The following PSIP1 variants were observed in gnomAD, a reference collection of about 807,000 sequenced individuals.
The protein encoded by PSIP1 is PC4 and SRSF1 interacting protein 1, also known as PC4 and SFRS1-interacting protein.
Under a neutral mutation model 74.7 loss-of-function variants are expected in PSIP1, and 19 were observed. The observed-to-expected ratio is 0.25, with a 90% CI of 0.18 to 0.37. The LOEUF (loss-of-function observed/expected upper bound fraction) is 0.37, where lower values mean the gene tolerates loss of function less well. Among genes scored for constraint, PSIP1 ranks in the 10% least tolerant of loss-of-function variants. PSIP1 has a pLI of 1.00. For synonymous variants in PSIP1, 222 were observed against 195.3 expected (o/e 1.14, Z -1.14); for missense variants, 601 against 614.3 (o/e 0.98, Z 0.23).
At chr9:15,475,967 G>C (rs1370067346) in intron 8 of PSIP1, among the ~76,000 whole-genome samples, 2 of 152,162 alleles carry the variant, frequency 1.3e-5, no homozygotes, top group South Asian at 4.1e-4. Context: ...TGAGGATTAT[G>C]AGTTGGTTTT....
intron 2 of PSIP1, 73 bp downstream of exon 2, chr9:15,510,044 A>G: frequency 2.1e-6 from 3 of 1,416,218 alleles, no homozygotes; most frequent in Admixed American, 1.9e-5. Flanking sequence ...GAAAAAATAA[A>G]GAGACACGGT....
chr9:15,471,379 A>G (rs1479074376), intron 10 of PSIP1: 5 of 1,539,906 alleles, frequency 3.2e-6, no homozygotes, highest in Non-Finnish European at 4.4e-6. Context: ...AATTTGAGAA[A>G]GTTACATTGG....
At position 15,510,936 on chromosome 9, in the gene PSIP1, C is replaced by G. The variant is rs897583392; in HGVS notation, c.-261G>C. ...CGTCTCAACGGCTCGGAATCGCAAC[C>G]GCGCCGCCGCTGCCGCCGCCGTAGC... On this transcript the variant is annotated 5_prime_UTR_variant, in exon 1 of 16. Coordinates refer to ENST00000380733, the MANE Select transcript of PSIP1 (RefSeq NM_033222.5). The G allele has an allele frequency of 6.5e-6, 1 of 153,226 alleles. No individual in the cohort carries two copies. The highest frequency in any genetic ancestry group is 2.4e-5 in the African/African-American group (1 of 41,418). The allele number at this position is 153,226 out of a possible 1,614,324, so 9.5% of individuals were successfully genotyped here. A position where few individuals can be genotyped will look rare whatever the true frequency, so the allele number is the denominator to read the frequency against.
chr9:15,503,495 AAAT>A (rs201995684), intron 3 of PSIP1, among the ~76,000 whole-genome samples: 1,525 of 152,004 alleles, frequency 0.01, 20 homozygotes, highest in African/African-American at 0.035. Flanking sequence ...CATCTCTAAA[AAAT>A]AATAATAATA....
At position 15,465,566 on chromosome 9, in the gene PSIP1, T is replaced by A. The variant is rs574687096; in HGVS notation, c.1547A>T (p.Glu516Val). 5.0e-6 allele frequency: 8 copies of A among 1,585,456 alleles called. No individual in the cohort carries two copies. The highest frequency in any genetic ancestry group is 6.9e-6 in the Non-Finnish European group (8 of 1,157,512). ...ASTKKKPSSE[E>V]RETEISLKDS... Reference sequence around the variant, plus strand: ...CTTCAGAGATATTTCAGTCTCTCTCTCTTCACTGGATGGCCTGAAGAAAAG... The same window carrying A: ...CTTCAGAGATATTTCAGTCTCTCTCACTTCACTGGATGGCCTGAAGAAAAG... Residue 516 changes from glutamate (E) to valine (V), a missense_variant, in exon 16 of 16, where the codon GAG (glutamate) becomes GTG (valine). Glu to Val is a moderately radical substitution (Grantham distance 121). Coordinates refer to ENST00000380733, the MANE Select transcript of PSIP1 (RefSeq NM_033222.5).
In PSIP1 at chr9:15,466,818, T is replaced by A. The variant is rs763047272; in HGVS notation, c.1462A>T (p.Asn488Tyr). Residue 488 changes from asparagine (N) to tyrosine (Y), a missense_variant, in exon 15 of 16, where the codon AAT (asparagine) becomes TAT (tyrosine). Coordinates refer to ENST00000380733, the MANE Select transcript of PSIP1 (RefSeq NM_033222.5). The part of the protein sequence containing the change: ...LNGGSDAQDG[N>Y]QPQHNGESNE... ...CTCTCCCCGTTATGTTGTGGCTGAT[T>A]ACCATCTTGAGCATCAGATCCTCCA... The A allele has an allele frequency of 1.9e-6, 3 of 1,613,434 alleles. No homozygotes were observed. In the East Asian group the frequency reaches 6.7e-5, roughly 36 times the overall value.
chr9:15,474,445 T>G (rs915587868), intron 8 of PSIP1, among the ~76,000 whole-genome samples: 2 of 152,194 alleles, frequency 1.3e-5, no homozygotes, highest in African/African-American at 2.4e-5. Flanking sequence ...CTGGCTCTTA[T>G]GGAACTTAAA....
At chr9:15,489,932 G>A (rs2036747407) in intron 4 of PSIP1, 54 bp downstream of exon 4, 2 of 1,367,128 alleles carry the variant, frequency 1.5e-6, no homozygotes, top group Admixed American at 5.0e-5. Flanking sequence ...CTAGGATAGT[G>A]ATTATTCCCC....
intron 9 of PSIP1, 72 bp from the exon 10 acceptor site, chr9:15,472,822 G>T: frequency 7.2e-7 from 1 of 1,388,954 alleles, no homozygotes; most frequent in South Asian, 1.3e-5. Flanking sequence ...TTATAATCTT[G>T]GGGGAAAAGC....
intron 6 of PSIP1, among the ~76,000 whole-genome samples, chr9:15,484,891 T>C (rs74655352): frequency 0.016 from 2,020 of 128,112 alleles, 43 homozygotes; most frequent in African/African-American, 0.058. Context: ...CCAACCTGGA[T>C]GACAGAGCGA....
intron 2 of PSIP1, among the ~76,000 whole-genome samples, chr9:15,509,180 G>A (rs569070723): frequency 6.6e-6 from 1 of 152,278 alleles, no homozygotes; most frequent in South Asian, 2.1e-4. Flanking sequence ...TCAAAGGACA[G>A]TAAATTAGTC....
intron 14 of PSIP1, chr9:15,468,275 T>C: frequency 1.9e-6 from 1 of 529,862 alleles, no homozygotes; most frequent in South Asian, 1.4e-5. Context: ...CTGTACGCTA[T>C]TTTACTTTTT....
chr9:15,490,733 T>C (rs994132393), intron 3 of PSIP1, among the ~76,000 whole-genome samples: 2 of 151,824 alleles, frequency 1.3e-5, no homozygotes, highest in African/African-American at 4.8e-5. Flanking sequence ...TGGGTTTTTT[T>C]AAACTACAAA....
chr9:15,506,721 A>C (rs983265447), intron 2 of PSIP1, 84 bp from the exon 3 acceptor site: 1 of 1,027,484 alleles, frequency 9.7e-7, no homozygotes, highest in Non-Finnish European at 1.4e-6. Flanking sequence ...CACAACATCC[A>C]AAAGGGTTCT....
intron 10 of PSIP1, chr9:15,471,304 G>A (rs759603600): frequency 1.3e-6 from 2 of 1,568,908 alleles, no homozygotes; most frequent in South Asian, 1.1e-5. Context: ...ATGCTTTACA[G>A]AGCAAAACTG....
chr9:15,510,226 G>A lies in PSIP1; in HGVS notation c.-38C>T. ...AGACCGGGGGTCCGAAGCCCGGGAG[G>A]CGGCGAGGAGATGCGGCGGCGCGGG... On this transcript the variant is annotated 5_prime_UTR_variant, in exon 2 of 16. Coordinates refer to ENST00000380733, the MANE Select transcript of PSIP1 (RefSeq NM_033222.5). 4.4e-6 allele frequency: 7 copies of A among 1,581,716 alleles called. No individual in the cohort carries two copies. The highest frequency in any genetic ancestry group is 6.0e-6 in the Non-Finnish European group (7 of 1,163,278).
chr9:15,474,493 T>C (rs2035990735), intron 8 of PSIP1, among the ~76,000 whole-genome samples: 1 of 152,168 alleles, frequency 6.6e-6, no homozygotes, highest in African/African-American at 2.4e-5. Context: ...GTTTAAAAAG[T>C]AGACACACTG....
chr9:15,494,693 T>A (rs1457176469), intron 3 of PSIP1, among the ~76,000 whole-genome samples: 2 of 150,886 alleles, frequency 1.3e-5, no homozygotes. Flanking sequence ...TAACTGCACA[T>A]CCCATTTTCA....
At chr9:15,510,043 A>G (rs1586878351) in intron 2 of PSIP1, 74 bp downstream of exon 2, 6 of 1,416,590 alleles carry the variant, frequency 4.2e-6, no homozygotes, top group East Asian at 5.0e-5. Flanking sequence ...AGAAAAAATA[A>G]AGAGACACGG....
Sources: allele counts gnomAD v4.1 joint callset (sites outside exome capture counted in the v4.1 genomes callset), GRCh38; gene constraint gnomAD v4.1.1; transcripts MANE v1.5; gene names NCBI Gene and HGNC (gene_info 2026-07-23, HGNC 2026-07-21).